CCDC57: variants seen among roughly 807,000 people sequenced by gnomAD.
The protein encoded by CCDC57 is coiled-coil domain containing 57.
CCDC57 carries 118 observed loss-of-function variants against 118.9 expected under a neutral mutation model. That is an observed-to-expected ratio of 0.99 (90% CI 0.86 to 1.16). CCDC57 has a LOEUF of 1.16. Among genes scored for constraint, CCDC57 ranks in the 50% most tolerant of loss-of-function variants. The pLI is 0.00. For synonymous variants in CCDC57, 527 were observed against 532.9 expected (o/e 0.99, Z 0.15); for missense variants, 1,300 against 1,320.7 (o/e 0.98, Z 0.24).
At chr17:82,160,533 G>A (rs1452195755) in intron 14 of CCDC57, 5 of 152,036 alleles carry the variant, frequency 3.3e-5, no homozygotes, top group Admixed American at 6.6e-5. Flanking sequence ...CACTTTGGGA[G>A]GCAGACAGGC....
chr17:82,183,724 A>C (rs2046483698), intron 9 of CCDC57, 50 bp downstream of exon 8: 1 of 1,521,804 alleles, frequency 6.6e-7, no homozygotes, highest in South Asian at 1.2e-5. Flanking sequence ...CTACAACAGC[A>C]CCTGCCCATA....
At position 82,172,892 on chromosome 17, in the gene CCDC57, AG is replaced by A; in HGVS notation, c.1507-33del. Reference sequence around the variant, plus strand: ...AATACAAGGAAAAATGGCTACAAAAAGATGAATGGTTCCCCAGCTTGTCCTG... The same window carrying A: ...AATACAAGGAAAAATGGCTACAAAAAATGAATGGTTCCCCAGCTTGTCCTG... On this transcript the variant is annotated intron_variant, in intron 11 of 19. Coordinates refer to ENST00000665763, the Ensembl canonical transcript of CCDC57. This position sits in a 1 kb window ranked among gnomAD's most constrained non-coding sequence, Gnocchi z 5.2. The A allele has an allele frequency of 1.9e-6, 3 of 1,573,462 alleles. No homozygotes were observed. Among genetic ancestry groups the A allele is most frequent in the Non-Finnish European group, 2.6e-6 (3 of 1,153,704 alleles).
At chr17:82,206,963 T>A (rs750502016) in intron 2 of CCDC57, among the ~76,000 whole-genome samples, 2 of 152,192 alleles carry the variant, frequency 1.3e-5, no homozygotes, top group Non-Finnish European at 2.9e-5. Flanking sequence ...ACAAAGACAG[T>A]AACAGCCCTT....
chr17:82,200,848 A>G (rs1234611387), intron 3 of CCDC57, among the ~76,000 whole-genome samples: 2 of 152,240 alleles, frequency 1.3e-5, no homozygotes. Context: ...TACATAAAAC[A>G]TAAAAAAAGT....
chr17:82,175,064 G>C (rs4296310), intron 11 of CCDC57, among the ~76,000 whole-genome samples: 41,853 of 152,218 alleles, frequency 0.27, 6,457 homozygotes, highest in Non-Finnish European at 0.35. Flanking sequence ...CCATTGGTAA[G>C]AAAATCGCTA....
intron 16 of CCDC57, among the ~76,000 whole-genome samples, chr17:82,141,709 G>A (rs1019415329): frequency 6.6e-6 from 1 of 152,132 alleles, no homozygotes; most frequent in African/African-American, 2.4e-5. Flanking sequence ...TCATGCAGAC[G>A]TGTGAGCTGT....
chr17:82,145,496 G>A (rs567260093), intron 16 of CCDC57, among the ~76,000 whole-genome samples: 23 of 151,958 alleles, frequency 1.5e-4, no homozygotes, highest in Non-Finnish European at 2.9e-4. Flanking sequence ...GCAGTGAGCC[G>A]AGATCGCACC....
chr17:82,165,338 A>G (rs185548100), intron 13 of CCDC57, among the ~76,000 whole-genome samples: 14 of 152,278 alleles, frequency 9.2e-5, no homozygotes, highest in Admixed American at 4.6e-4. Flanking sequence ...GAACACAAAA[A>G]GCCTCACTAG....
At chr17:82,189,574 G>T (rs1421513596) in intron 7 of CCDC57, among the ~76,000 whole-genome samples, 1 of 152,046 alleles carries the variant, frequency 6.6e-6, no homozygotes, top group Non-Finnish European at 1.5e-5. Context: ...TCCTGGCTGG[G>T]CGCAGTGGCT....
chr17:82,155,025 G>T (rs1057094044), intron 15 of CCDC57: 1 of 152,286 alleles, frequency 6.6e-6, no homozygotes, highest in African/African-American at 2.4e-5. Flanking sequence ...CATAAGCTCA[G>T]GTTCTGCATT....
At chr17:82,208,662 C>CT (rs895904587) in intron 1 of CCDC57, among the ~76,000 whole-genome samples, 1 of 152,082 alleles carries the variant, frequency 6.6e-6, no homozygotes, top group African/African-American at 2.4e-5. Flanking sequence ...TCCTGAGTAG[C>CT]TGGGACTACA....
intron 17 of CCDC57, among the ~76,000 whole-genome samples, chr17:82,133,593 G>T (rs2038745961): frequency 6.6e-6 from 1 of 152,168 alleles, no homozygotes; most frequent in African/African-American, 2.4e-5. Context: ...GGGCGCGGTG[G>T]TTCATGCCTG....
intron 2 of CCDC57, among the ~76,000 whole-genome samples, chr17:82,204,830 C>A (rs2049417874): frequency 6.6e-6 from 1 of 152,184 alleles, no homozygotes. Context: ...CTGAGGACAT[C>A]TGGACCCCAG....
chr17:82,106,683 G>T (rs562476266), intron 19 of CCDC57: 1 of 152,482 alleles, frequency 6.6e-6, no homozygotes, highest in African/African-American at 2.4e-5. Context: ...TGGTCCTAAA[G>T]TGAGGAATGC....
At chr17:82,140,079 CTTGTTTTTTTTGT>C (rs1354585196) in intron 16 of CCDC57, among the ~76,000 whole-genome samples, 2 of 151,902 alleles carry the variant, frequency 1.3e-5, no homozygotes, top group Admixed American at 6.6e-5. Flanking sequence ...TAAGTGATAC[CTTGTTTTTTTTGT>C]TTGTTTTTTT....
intron 16 of CCDC57, among the ~76,000 whole-genome samples, chr17:82,145,010 T>A (rs1598874588): frequency 1.5e-5 from 2 of 135,252 alleles, no homozygotes; most frequent in African/African-American, 5.4e-5. Flanking sequence ...ATTTTATTTC[T>A]TTTCTTTTTT....
chr17:82,140,190 A>T (rs2039830113), intron 16 of CCDC57, among the ~76,000 whole-genome samples: 1 of 151,976 alleles, frequency 6.6e-6, no homozygotes, highest in African/African-American at 2.4e-5. Flanking sequence ...AGTTCACGCC[A>T]TTCTCCTCCA....
intron 1 of CCDC57, among the ~76,000 whole-genome samples, chr17:82,209,750 G>T (rs1160825289): frequency 6.6e-6 from 1 of 152,146 alleles, no homozygotes; most frequent in East Asian, 1.9e-4. Context: ...GCTTCCCAAA[G>T]TGGTGGGACT....
exon 7 of CCDC57, chr17:82,193,762 T>C: frequency 6.3e-7 from 1 of 1,596,716 alleles, no homozygotes; most frequent in Non-Finnish European, 8.5e-7. Context: ...TCACTTCCTC[T>C]TAAATGTTTC....
Sources: gnomAD v4.1 joint callset for allele counts (sites outside exome capture counted in the v4.1 genomes callset) on GRCh38, gnomAD v4.1.1 for gene constraint, Gnocchi (gnomAD v3.1) non-coding constraint, MANE v1.5 for transcripts, NCBI Gene and HGNC (gene_info 2026-07-23, HGNC 2026-07-21) for gene names.